The following MAP4K5 variants were observed in gnomAD, a reference collection of about 807,000 sequenced individuals.
MAP4K5 encodes the protein mitogen-activated protein kinase kinase kinase kinase 5.
MAP4K5 carries 82 observed loss-of-function variants against 135.6 expected under a neutral mutation model. The ratio of observed to expected loss-of-function variants is 0.60; its 90% CI spans 0.51 to 0.73. MAP4K5 has a LOEUF of 0.73. Among genes scored for constraint, MAP4K5 ranks in the 30% least tolerant of loss-of-function variants. MAP4K5 has a pLI of 0.00. For missense variants in MAP4K5, 907 were observed against 1,010.9 expected (o/e 0.90, Z 1.39); for synonymous variants, 347 against 335.0 (o/e 1.04, Z -0.39).
At chr14:50,509,298 T>A (rs1449023245) in intron 2 of MAP4K5, among the ~76,000 whole-genome samples, 1 of 152,158 alleles carries the variant, frequency 6.6e-6, no homozygotes, top group Non-Finnish European at 1.5e-5. Context: ...TGACAATATT[T>A]CACTGCCCCT....
At chr14:50,445,691 T>A (rs1456152552) in intron 17 of MAP4K5, among the ~76,000 whole-genome samples, 3 of 152,152 alleles carry the variant, frequency 2.0e-5, no homozygotes, top group Non-Finnish European at 4.4e-5. Flanking sequence ...TGCCTCAGCT[T>A]CCCAAGTAGC....
intron 3 of MAP4K5, among the ~76,000 whole-genome samples, chr14:50,497,268 G>A (rs573640069): frequency 6.6e-6 from 1 of 152,246 alleles, no homozygotes; most frequent in South Asian, 2.1e-4. Flanking sequence ...GAAGACATTA[G>A]TAAACAACAC....
At chr14:50,438,173 A>G (rs1165230047) in intron 23 of MAP4K5, 79 bp from the exon 24 acceptor site, 1 of 644,440 alleles carries the variant, frequency 1.6e-6, no homozygotes, top group South Asian at 1.7e-5. Flanking sequence ...AGTTAATACT[A>G]TTTTGAAAGA....
intron 3 of MAP4K5, among the ~76,000 whole-genome samples, chr14:50,502,637 A>G (rs1212386835): frequency 4.6e-5 from 7 of 152,288 alleles, no homozygotes; most frequent in Admixed American, 3.9e-4. Flanking sequence ...AAAATTTTAC[A>G]AACAGGAAAT....
Position 50,434,517 on chromosome 14 carries a change from G to GT in MAP4K5, c.2040dup (p.Pro681ThrfsTer2), listed in dbSNP as rs1208619185. The GT allele has an allele frequency of 6.2e-7, 1 of 1,605,404 alleles. No individual in the cohort carries two copies. Among genetic ancestry groups the GT allele is most frequent in the South Asian group, 1.1e-5 (1 of 89,240 alleles). On this transcript the variant is annotated frameshift_variant, in exon 28 of 33. Transcript: ENST00000682126. LOFTEE classifies it high-confidence loss of function. ...CAGACCATAGGGTATTCCTGTTCAG[G>GT]TATCACCAGCATTTCAAAAACATTC... is the stretch of plus-strand genomic sequence containing the variant.
At chr14:50,488,231 C>CTCATGAGAACTCACTA (rs1034421790) in intron 3 of MAP4K5, among the ~76,000 whole-genome samples, 2 of 152,194 alleles carry the variant, frequency 1.3e-5, no homozygotes, top group East Asian at 3.9e-4. Context: ...ACCATCAGAT[C>CTCATGAGAACTCACTA]TCATGAGAAC....
At chr14:50,558,634 A>G (rs1328165810) in intron 1 of MAP4K5, among the ~76,000 whole-genome samples, 2 of 152,206 alleles carry the variant, frequency 1.3e-5, no homozygotes, top group Non-Finnish European at 2.9e-5. Flanking sequence ...TAGGTGTTGA[A>G]TTATATAAAT....
chr14:50,544,724 G>A (rs537402345), intron 1 of MAP4K5, among the ~76,000 whole-genome samples: 16 of 151,982 alleles, frequency 1.1e-4, no homozygotes, highest in South Asian at 6.2e-4. Context: ...GCTTGAGCTC[G>A]GGAGTTTGAG....
At chr14:50,447,761 T>C (rs2036388976) in intron 15 of MAP4K5, among the ~76,000 whole-genome samples, 1 of 152,118 alleles carries the variant, frequency 6.6e-6, no homozygotes, top group Non-Finnish European at 1.5e-5. Context: ...AAGCAAACAA[T>C]AAAAGAAAAC....
intron 11 of MAP4K5, among the ~76,000 whole-genome samples, chr14:50,465,294 GCTCACAGATC>G (rs2036806539): frequency 6.6e-6 from 1 of 152,082 alleles, no homozygotes. Context: ...AATTTTGGGG[GCTCACAGATC>G]CTCAAAGATC....
intron 3 of MAP4K5, among the ~76,000 whole-genome samples, chr14:50,490,186 GAA>G (rs753198621): frequency 3.4e-5 from 4 of 117,164 alleles, no homozygotes; most frequent in South Asian, 5.2e-4. Flanking sequence ...GATACTCTTA[GAA>G]AAAAAAAAAA....
intron 28 of MAP4K5, among the ~76,000 whole-genome samples, chr14:50,432,594 A>G (rs1301310921): frequency 1.3e-5 from 2 of 152,040 alleles, no homozygotes; most frequent in Non-Finnish European, 2.9e-5. Flanking sequence ...ACGCAAACTC[A>G]AACATACCCC....
intron 30 of MAP4K5, among the ~76,000 whole-genome samples, chr14:50,427,945 C>A (rs2035882122): frequency 6.6e-6 from 1 of 152,148 alleles, no homozygotes. Context: ...ATATCTAACA[C>A]TGTTATCGCA....
At chr14:50,486,258 G>C in intron 3 of MAP4K5, 64 bp from the exon 4 acceptor site, 4 of 600,278 alleles carry the variant, frequency 6.7e-6, no homozygotes, top group Non-Finnish European at 2.9e-6. Flanking sequence ...AAGAAGGAAG[G>C]AAAACTTTAC....
chr14:50,541,122 C>T (rs572619590), intron 2 of MAP4K5, among the ~76,000 whole-genome samples: 32 of 152,252 alleles, frequency 2.1e-4, no homozygotes, highest in East Asian at 1.9e-4. Flanking sequence ...TTTCAATTCC[C>T]GTCAGCAAAA....
At chr14:50,453,420 T>G (rs2036534656) in intron 14 of MAP4K5, among the ~76,000 whole-genome samples, 1 of 152,156 alleles carries the variant, frequency 6.6e-6, no homozygotes, top group Admixed American at 6.6e-5. Flanking sequence ...AAACAATGTT[T>G]CTCCCAAGGA....
chr14:50,496,381 A>G (rs954622136), intron 3 of MAP4K5, among the ~76,000 whole-genome samples: 1 of 152,140 alleles, frequency 6.6e-6, no homozygotes. Flanking sequence ...GGTAAAGTTT[A>G]TGTGTTTTTT....
chr14:50,503,789 G>A (rs1301166053), intron 3 of MAP4K5, among the ~76,000 whole-genome samples: 3 of 151,984 alleles, frequency 2.0e-5, no homozygotes, highest in Non-Finnish European at 2.9e-5. Context: ...GAGAGCACAC[G>A]CCAGTACCTG....
chr14:50,421,032 CT>C (rs1443379345), intron 32 of MAP4K5, among the ~76,000 whole-genome samples: 1 of 151,926 alleles, frequency 6.6e-6, no homozygotes, highest in African/African-American at 2.4e-5. Flanking sequence ...ACTTATTTTT[CT>C]AGTGTATGAA....
Sources: gnomAD v4.1 joint callset for allele counts (sites outside exome capture counted in the v4.1 genomes callset) on GRCh38, gnomAD v4.1.1 for gene constraint, MANE v1.5 for transcripts, NCBI Gene and HGNC (gene_info 2026-07-23, HGNC 2026-07-21) for gene names.